EVI5: variants seen among roughly 807,000 people sequenced by gnomAD.
The protein encoded by EVI5 is ecotropic viral integration site 5.
In EVI5, 73 loss-of-function variants were observed where a neutral mutation model predicts 112.0. That is an observed-to-expected ratio of 0.65 (90% CI 0.54 to 0.79). EVI5 has a LOEUF of 0.79. Ranked by LOEUF, EVI5 falls within the 30% of genes least tolerant of loss-of-function variation. The pLI, the probability that EVI5 is intolerant of heterozygous loss-of-function variation, is 0.00. For synonymous variants in EVI5, 305 were observed against 319.9 expected, an observed-to-expected ratio of 0.95 and a Z score of 0.50; for missense variants, 900 against 968.8, an observed-to-expected ratio of 0.93 and a Z score of 0.94.
intron 13 of EVI5, among the ~76,000 whole-genome samples, chr1:92,641,499 G>T (rs1227156549): frequency 6.6e-6 from 1 of 152,098 alleles, no homozygotes; most frequent in Non-Finnish European, 1.5e-5. Context: ...TAATTGAAAT[G>T]CCTATGTAGC....
chr1:92,689,692 G>A (rs988634994), intron 9 of EVI5, among the ~76,000 whole-genome samples: 4 of 152,110 alleles, frequency 2.6e-5, no homozygotes, highest in East Asian at 3.9e-4. Flanking sequence ...TTACACTGCC[G>A]GGTTAGACTA....
At chr1:92,540,382 G>T (rs911721886) in intron 19 of EVI5, among the ~76,000 whole-genome samples, 9 of 152,130 alleles carry the variant, frequency 5.9e-5, no homozygotes, top group African/African-American at 2.2e-4. Context: ...ATCCTAGTAA[G>T]TGTGAAGTGG....
At chr1:92,612,998 A>G (rs1174309268) in intron 16 of EVI5, among the ~76,000 whole-genome samples, 1 of 152,212 alleles carries the variant, frequency 6.6e-6, no homozygotes, top group African/African-American at 2.4e-5. Flanking sequence ...AAGACTGGTG[A>G]GTCTTGAGAA....
chr1:92,553,166 T>C (rs1191521507), intron 19 of EVI5, among the ~76,000 whole-genome samples: 2 of 152,068 alleles, frequency 1.3e-5, no homozygotes, highest in African/African-American at 2.4e-5. Flanking sequence ...GGTTTCGCTC[T>C]GTCACCCAGG....
intron 1 of EVI5, among the ~76,000 whole-genome samples, chr1:92,783,619 G>A (rs1358845183): frequency 6.6e-6 from 1 of 150,918 alleles, no homozygotes; most frequent in Non-Finnish European, 1.5e-5. Flanking sequence ...CAAGACCATC[G>A]TGGCCAACAT....
intron 2 of EVI5, among the ~76,000 whole-genome samples, chr1:92,733,426 A>C (rs1053860730): frequency 1.4e-5 from 2 of 145,178 alleles, no homozygotes; most frequent in African/African-American, 5.1e-5. Context: ...TTTTTAAATG[A>C]GACGGACTCT....
At chr1:92,607,991 A>C (rs1163765407) in intron 16 of EVI5, among the ~76,000 whole-genome samples, 2 of 148,410 alleles carry the variant, frequency 1.3e-5, no homozygotes, top group African/African-American at 2.5e-5. Flanking sequence ...TAAAATTACA[A>C]AAAAAAAAAA....
At chr1:92,734,843 T>A (rs550975952) in intron 2 of EVI5, among the ~76,000 whole-genome samples, 6 of 152,174 alleles carry the variant, frequency 3.9e-5, no homozygotes, top group African/African-American at 7.2e-5. Flanking sequence ...CAAATTTTTT[T>A]TTAAAAATCA....
intron 19 of EVI5, among the ~76,000 whole-genome samples, chr1:92,547,641 A>C (rs961277051): frequency 6.6e-6 from 1 of 152,288 alleles, no homozygotes. Flanking sequence ...TCAAATAGAC[A>C]CAATAAAAAA....
chr1:92,691,679 G>C (rs932841810), intron 9 of EVI5, among the ~76,000 whole-genome samples: 1 of 152,012 alleles, frequency 6.6e-6, no homozygotes, highest in Admixed American at 6.6e-5. Flanking sequence ...GATAGAGAAG[G>C]AATAATTAAT....
At chr1:92,756,843 G>A in intron 1 of EVI5, 1 of 495,014 alleles carries the variant, frequency 2.0e-6, no homozygotes, top group Non-Finnish European at 4.1e-6. Context: ...CTGGTATTGG[G>A]CTGTCCCTCA....
rs886233178 is a variant in EVI5, at chr1:92,785,018, C to A, written c.-264G>T. ...CCTCGCGACCCTCACCTACCCCTCC[C>A]GGCACCGCCGCTGTCGGAACTGCAG... On this transcript the variant is annotated 5_prime_UTR_variant, in exon 1 of 20. Coordinates refer to ENST00000684568, the MANE Select transcript of EVI5 (RefSeq NM_001350197.2). The A allele has an allele frequency of 2.2e-5, 22 of 985,454 alleles. No individual in the cohort carries two copies. In the African/African-American group the frequency reaches 3.1e-4, roughly 14 times the overall value. 61.0% of individuals were successfully genotyped at this position (985,454 alleles called of 1,614,324 possible).
Position 92,563,688 on chromosome 1 carries a change from T to C in EVI5, c.2120A>G (p.Gln707Arg), listed in dbSNP as rs61735639. ...CTGATCTTTCAGTTCCCCAATATAC[T>C]GGTTAGAATCAGACTTGTTAAGCTG... ...QGQLNKSDSN[Q>R]YIGELKDQIA... The change falls in exon 19 of 20, where the codon CAG becomes CGG. Residue 707 changes from glutamine (Q) to arginine (R), a missense_variant. By Grantham distance (43) the Gln-to-Arg change is conservative (BLOSUM62 1). Transcript: ENST00000684568. The C allele has an allele frequency of 2.5e-4, 395 of 1,609,840 alleles. 1 individual carries two copies. The highest frequency in any genetic ancestry group is 5.0e-4 in the Middle Eastern group (3 of 6,042).
At chr1:92,707,179 C>CAAAAAA (rs1299441165) in intron 2 of EVI5, among the ~76,000 whole-genome samples, 4 of 26,538 alleles carry the variant, frequency 1.5e-4, no homozygotes, top group African/African-American at 2.7e-4. Flanking sequence ...AACTCTGTCT[C>CAAAAAA]AAAAAAAAAA....
chr1:92,665,011 C>T (rs1664642449), intron 11 of EVI5, among the ~76,000 whole-genome samples: 1 of 152,148 alleles, frequency 6.6e-6, no homozygotes, highest in South Asian at 2.1e-4. Context: ...TCAAGATCAT[C>T]TTGGCCAACA....
intron 19 of EVI5, among the ~76,000 whole-genome samples, chr1:92,558,365 A>C (rs1018367753): frequency 1.3e-5 from 2 of 152,122 alleles, no homozygotes; most frequent in Admixed American, 1.3e-4. Flanking sequence ...TGATATCTTC[A>C]TTTGCAGTAA....
chr1:92,655,061 A>T (rs1429837973), intron 13 of EVI5, among the ~76,000 whole-genome samples: 1 of 152,166 alleles, frequency 6.6e-6, no homozygotes, highest in Non-Finnish European at 1.5e-5. Context: ...TATCTGAGGA[A>T]GTAATTGAGG....
chr1:92,560,058 G>C (rs1030985932), intron 19 of EVI5, among the ~76,000 whole-genome samples: 3 of 152,154 alleles, frequency 2.0e-5, no homozygotes, highest in African/African-American at 7.2e-5. Context: ...ATGTAGAACA[G>C]TAAGAACTTT....
intron 2 of EVI5, among the ~76,000 whole-genome samples, chr1:92,721,699 G>A (rs1486104579): frequency 6.6e-6 from 1 of 151,908 alleles, no homozygotes; most frequent in East Asian, 1.9e-4. Context: ...TAAAACTCCA[G>A]TAATTATTCC....
Sources: gnomAD v4.1 joint callset for allele counts (sites outside exome capture counted in the v4.1 genomes callset) on GRCh38, gnomAD v4.1.1 for gene constraint, MANE v1.5 for transcripts, NCBI Gene and HGNC (gene_info 2026-07-23, HGNC 2026-07-21) for gene names.